Variants in GLB1L3 observed in about 807,000 individuals in gnomAD.
GLB1L3 encodes the protein beta-galactosidase-1-like protein 3.
Under a neutral mutation model 89.5 loss-of-function variants are expected in GLB1L3, and 89 were observed. The observed-to-expected ratio is 0.99, with a 90% CI of 0.84 to 1.19. The LOEUF is 1.19. GLB1L3 is among the 50% of genes most tolerant of loss of function. The pLI is 0.00. For missense variants in GLB1L3, 812 were observed against 813.3 expected (o/e 1.00, Z 0.02); for synonymous variants, 314 against 312.3 (o/e 1.01, Z -0.06).
intron 6 of GLB1L3, among the ~76,000 whole-genome samples, chr11:134,286,161 G>A (rs1240268147): frequency 6.6e-6 from 1 of 151,870 alleles, no homozygotes; most frequent in Non-Finnish European, 1.5e-5. Context: ...CATCTGCCTC[G>A]GCCTCCCAAA....
At chr11:134,283,934 GT>G in intron 6 of GLB1L3, 89 bp downstream of exon 6, 1 of 749,810 alleles carries the variant, frequency 1.3e-6, no homozygotes, top group Middle Eastern at 2.3e-4. Flanking sequence ...GCCACATGCA[GT>G]CTCCATGAAC....
intron 9 of GLB1L3, among the ~76,000 whole-genome samples, chr11:134,306,036 A>G (rs1250967455): frequency 6.6e-6 from 1 of 152,174 alleles, no homozygotes; most frequent in Admixed American, 6.5e-5. Flanking sequence ...CATGGAGGAA[A>G]GGAAATTGCA....
Position 134,308,498 on chromosome 11 carries a change from A to ACCACCACCACCACC in GLB1L3, c.962-1128_962-1127insCCACCACCACCACC, listed in dbSNP as rs1565414080. ...AATACCACCACCACCATCACCACCAAATACCACCACCACCACCACCATGTC... is the reference window on the plus strand; with the variant it reads ...AATACCACCACCACCATCACCACCAACCACCACCACCACCATACCACCACCACCACCACCATGTC... On this transcript the variant is annotated intron_variant, in intron 10 of 19. Coordinates refer to ENST00000431683, the MANE Select transcript of GLB1L3 (RefSeq NM_001080407.3). 1.1e-3 allele frequency among the ~76,000 whole-genome samples: 6 copies of ACCACCACCACCACC among 5,684 alleles called. 1 individual carries two copies. Among genetic ancestry groups the ACCACCACCACCACC allele is most frequent in the African/African-American group, 2.7e-3 (3 of 1,096 alleles). 3.7% of individuals were successfully genotyped at this position (5,684 alleles called of 152,430 possible).
At chr11:134,294,588 C>G (rs781751081) in intron 9 of GLB1L3, among the ~76,000 whole-genome samples, 1 of 152,178 alleles carries the variant, frequency 6.6e-6, no homozygotes, top group Non-Finnish European at 1.5e-5. Context: ...TACAGAGTTC[C>G]ACAACCATCA....
Position 134,283,723 on chromosome 11 carries a change from C to T in GLB1L3, c.528-14C>T, listed in dbSNP as rs2136117620. 1 of 1,542,294 alleles carries T rather than the reference C, an allele frequency of 6.5e-7. No homozygotes were observed. The highest frequency in any genetic ancestry group is 1.4e-5 in the African/African-American group (1 of 73,522). On this transcript the variant is annotated splice_polypyrimidine_tract_variant and intron_variant, in intron 5 of 19. Transcript: ENST00000431683. ...ACCCGTCTCAGACCCTGAGCCCGCC[C>T]CTCTTGCCCCCAGCTGGCTCCTGCA... is the stretch of plus-strand genomic sequence containing the variant.
intron 16 of GLB1L3, 60 bp from the exon 17 acceptor site, chr11:134,313,881 G>A (rs1942864286): frequency 9.2e-7 from 1 of 1,086,602 alleles, no homozygotes; most frequent in Non-Finnish European, 1.4e-6. Context: ...TGTCCCAGAT[G>A]CTAGAGAATA....
At chr11:134,282,209 AC>A in intron 5 of GLB1L3, 89 bp downstream of exon 5, 5 of 1,406,806 alleles carry the variant, frequency 3.6e-6, no homozygotes, top group Non-Finnish European at 4.7e-6. Flanking sequence ...AAGGAAAGTA[AC>A]CTTTATTCAC....
At position 134,281,425 on chromosome 11, in the gene GLB1L3, C is replaced by T. The variant is rs1033325294; in HGVS notation, c.411C>T (p.Phe137=). The part of the protein sequence containing the change: ...LHEPERGKFD[F]SGNLDLEAFV... ...AGCCAGAAAGAGGCAAATTTGACTT[C>T]TCTGGGAACCTGGACCTGGAGTATG... is the stretch of plus-strand genomic sequence containing the variant. Residue 137 remains phenylalanine (F), a synonymous_variant, in exon 4 of 20, where the codon TTC becomes TTT. Transcript: ENST00000431683. 4.3e-6 allele frequency: 7 copies of T among 1,613,816 alleles called. No homozygotes were observed. In the African/African-American group the frequency reaches 8.0e-5, roughly 18 times the overall value.
At chr11:134,311,196 C>T (rs748695057) in intron 13 of GLB1L3, 26 bp downstream of exon 13, 23 of 1,548,820 alleles carry the variant, frequency 1.5e-5, no homozygotes, top group South Asian at 3.4e-5. Flanking sequence ...CCACAGGAGG[C>T]GGAGTGGCCA....
chr11:134,283,596 C>G (rs754962406), intron 5 of GLB1L3, 141 bp from the exon 6 acceptor site: 17 of 574,760 alleles, frequency 3.0e-5, no homozygotes, highest in Non-Finnish European at 4.7e-5. Flanking sequence ...CGGCACAGAT[C>G]TTTCCAGGAC....
the GLB1L3 span, among the ~76,000 whole-genome samples, chr11:134,325,050 C>G: frequency 2.6e-5 from 4 of 152,256 alleles, no homozygotes; most frequent in East Asian, 3.9e-4. Context: ...AATGTATGCT[C>G]TCCACATTCA....
chr11:134,314,039 G>C lies in GLB1L3; in HGVS notation c.1667+11G>C, dbSNP rs574131038. The C allele has an allele frequency of 1.5e-5, 23 of 1,574,808 alleles. No individual in the cohort carries two copies. The South Asian group carries it at 1.7e-4, about 12-fold the overall frequency. On this transcript the variant is annotated intron_variant, in intron 17 of 19. Transcript: ENST00000431683. ...GAGCTTCTTTGAGAGGTATGCTCCAGCTGGCCCCCAGTGCACACTTCAGTG... is the reference window on the plus strand; with the variant it reads ...GAGCTTCTTTGAGAGGTATGCTCCACCTGGCCCCCAGTGCACACTTCAGTG...
chr11:134,293,147 T>C lies in GLB1L3; in HGVS notation c.814T>C (p.Leu272=), dbSNP rs755570280. 1.8e-5 allele frequency: 29 copies of C among 1,613,490 alleles called. No individual in the cohort carries two copies. The African/African-American group carries it at 3.9e-4, about 22-fold the overall frequency. Reference sequence around the variant, plus strand: ...GGGTCTCTCTCTTCTTTATGCAGTGTTGGCCGCCATCAATTTGCAAAAACT... The same window carrying C: ...GGGTCTCTCTCTTCTTTATGCAGTGCTGGCCGCCATCAATTTGCAAAAACT... ...HVLSGHTKGV[L]AAINLQKLHQ... Residue 272 remains leucine (L), a splice_region_variant and synonymous_variant, in exon 9 of 20, where the codon TTG becomes CTG. Transcript: ENST00000431683.
intron 9 of GLB1L3, among the ~76,000 whole-genome samples, chr11:134,294,548 A>G (rs184731876): frequency 4.6e-4 from 70 of 152,234 alleles, no homozygotes; most frequent in Admixed American, 7.8e-4. Flanking sequence ...ACACCATTAA[A>G]TTCACCCATT....
chr11:134,291,861 G>C (rs968493908), intron 7 of GLB1L3, among the ~76,000 whole-genome samples: 1 of 152,138 alleles, frequency 6.6e-6, no homozygotes, highest in African/African-American at 2.4e-5. Flanking sequence ...TGTAGTCCTA[G>C]CTACTCAGGA....
chr11:134,308,475 TAC>T (rs1942478393), intron 10 of GLB1L3, among the ~76,000 whole-genome samples: 4 of 20,376 alleles, frequency 2.0e-4, no homozygotes, highest in Non-Finnish European at 9.4e-5. Context: ...CACCACCAAA[TAC>T]CACCACCACC....
intron 16 of GLB1L3, 65 bp downstream of exon 16, chr11:134,313,539 T>G (rs1033948864): frequency 1.9e-5 from 18 of 926,410 alleles, no homozygotes; most frequent in East Asian, 6.9e-5. Flanking sequence ...TGCACTGGAG[T>G]CGGGGGCGGG....
At chr11:134,310,778 C>T (rs1942691165) in intron 12 of GLB1L3, 127 bp downstream of exon 12, 2 of 706,982 alleles carry the variant, frequency 2.8e-6, no homozygotes, top group Non-Finnish European at 4.8e-6. Flanking sequence ...AGAACAAGGG[C>T]AACCTTAACT....
downstream of GLB1L3, among the ~76,000 whole-genome samples, chr11:134,321,935 G>A (rs1335748509): frequency 6.6e-6 from 1 of 151,552 alleles, no homozygotes; most frequent in East Asian, 1.9e-4. Context: ...AAAAGTACAA[G>A]TAGAAACACA....
Sources: gnomAD v4.1 joint callset for allele counts (sites outside exome capture counted in the v4.1 genomes callset) on GRCh38, gnomAD v4.1.1 for gene constraint, MANE v1.5 for transcripts, NCBI Gene and HGNC (gene_info 2026-07-23, HGNC 2026-07-21) for gene names.